Variants in EMP2 observed in about 807,000 individuals in gnomAD.
EMP2 encodes epithelial membrane protein 2.
In EMP2, 19 loss-of-function variants were observed where a neutral mutation model predicts 13.7. The ratio of observed to expected loss-of-function variants is 1.38; its 90% confidence interval spans 0.97 to 2.03. The LOEUF (loss-of-function observed/expected upper bound fraction) is 2.03, where lower values mean the gene tolerates loss of function less well. Ranked by LOEUF, EMP2 falls within the 30% of genes most tolerant of loss-of-function variation. The pLI, the probability that EMP2 is intolerant of heterozygous loss-of-function variation, is 0.00. For synonymous variants in EMP2, 97 were observed against 84.7 expected (o/e 1.15, Z -0.80); for missense variants, 253 against 220.7 (o/e 1.15, Z -0.93).
chr16:10,537,880 G>C, intron 4 of EMP2, 48 bp downstream of exon 4: 1 of 1,603,074 alleles, frequency 6.2e-7, no homozygotes, highest in Admixed American at 1.7e-5. Flanking sequence ...GGAAGGGAGT[G>C]CTTATTCCAG....
At chr16:10,560,891 A>G (rs1382085877) in intron 1 of EMP2, among the ~76,000 whole-genome samples, 1 of 152,212 alleles carries the variant, frequency 6.6e-6, no homozygotes, top group Non-Finnish European at 1.5e-5. Context: ...CAAGAAGCTT[A>G]AGGGCCTTGG....
chr16:10,549,217 T>C (rs1037011896), intron 1 of EMP2, among the ~76,000 whole-genome samples: 1 of 152,128 alleles, frequency 6.6e-6, no homozygotes, highest in Non-Finnish European at 1.5e-5. Context: ...TTGAGTGACA[T>C]ACAAGAGGAA....
rs1340078461 is a variant in EMP2 at position 10,538,152 on chromosome 16, C to T, written c.170-78G>A. ...GTGGGGTACACAGCGACCGCAGCAG[C>T]TCCAGAGTAGGTGTGACAGGAGGCA... On this transcript the variant is annotated intron_variant, in intron 3 of 4. Coordinates refer to ENST00000359543, the MANE Select transcript of EMP2 (RefSeq NM_001424.6). 3.9e-6 allele frequency: 6 copies of T among 1,555,820 alleles called. No homozygotes were observed. In the African/African-American group the frequency reaches 6.8e-5, roughly 18 times the overall value.
intron 1 of EMP2, among the ~76,000 whole-genome samples, chr16:10,557,443 C>T (rs2050839244): frequency 6.6e-6 from 1 of 151,728 alleles, no homozygotes; most frequent in African/African-American, 2.4e-5. Flanking sequence ...ATCCTGTTAG[C>T]TCACTGGCCA....
intron 1 of EMP2, among the ~76,000 whole-genome samples, chr16:10,555,254 C>T (rs558671214): frequency 6.6e-6 from 1 of 152,324 alleles, no homozygotes; most frequent in African/African-American, 2.4e-5. Context: ...CAGTGATGTT[C>T]CCCAAAAGCC....
rs761837614 is a variant in EMP2, at chr16:10,575,237, C to CTTTTTTTTTTT, written c.-61+5301_-61+5311dup. Among the ~76,000 whole-genome samples, 106 of 52,488 alleles carry CTTTTTTTTTTT rather than the reference C, an allele frequency of 2.0e-3. 21 individuals are homozygous for CTTTTTTTTTTT. The highest frequency in any genetic ancestry group is 3.6e-3 in the Admixed American group (10 of 2,754). The allele number at this position is 52,488 out of a possible 152,430, so 34.4% of individuals were successfully genotyped here. ...TGGCCTTGGTCCTGGAGCTTGCATT[C>CTTTTTTTTTTT]TTTTTTTTTTTTTTTTTTTTTTTTT... On this transcript the variant is annotated intron_variant, in intron 1 of 4. Coordinates refer to ENST00000359543, the MANE Select transcript of EMP2 (RefSeq NM_001424.6).
chr16:10,564,273 C>T (rs1048942418), intron 1 of EMP2, among the ~76,000 whole-genome samples: 1 of 152,058 alleles, frequency 6.6e-6, no homozygotes, highest in Non-Finnish European at 1.5e-5. Context: ...GGTGGATCAC[C>T]TGAGGTCAGA....
chr16:10,571,074 C>T (rs182429046), intron 1 of EMP2, among the ~76,000 whole-genome samples: 14 of 151,302 alleles, frequency 9.3e-5, no homozygotes, highest in South Asian at 4.2e-4. Flanking sequence ...CTGGCCAACA[C>T]GGTGAAACCC....
At chr16:10,552,765 C>T (rs373284192) in intron 1 of EMP2, among the ~76,000 whole-genome samples, 47 of 152,228 alleles carry the variant, frequency 3.1e-4, no homozygotes, top group African/African-American at 1.1e-3. Context: ...ACAGGTGGTC[C>T]TCAGTGTCAG....
intron 1 of EMP2, among the ~76,000 whole-genome samples, chr16:10,575,104 C>T (rs146616635): frequency 9.7e-4 from 148 of 152,162 alleles, no homozygotes; most frequent in African/African-American, 3.3e-3. Context: ...CTGAAACCAT[C>T]ACTGCTTGGG....
intron 1 of EMP2, among the ~76,000 whole-genome samples, chr16:10,579,708 G>GCACGCACA (rs1555461492): frequency 4.8e-5 from 7 of 146,784 alleles, no homozygotes; most frequent in South Asian, 4.3e-4. Flanking sequence ...AGATCAAGGT[G>GCACGCACA]CACACACACA....
At chr16:10,570,137 G>T (rs2050937062) in intron 1 of EMP2, among the ~76,000 whole-genome samples, 1 of 152,102 alleles carries the variant, frequency 6.6e-6, no homozygotes, top group South Asian at 2.1e-4. Context: ...GCTCTTGCTG[G>T]GCTTAAACAA....
Position 10,532,763 on chromosome 16 carries a change from T to C in EMP2, c.*142A>G, listed in dbSNP as rs1332682439. ...GGATTTTTTTTTTCTTTTTTCTTTT[T>C]TTTTTTTTTTTTTTTTTTTTTTTGG... On this transcript the variant is annotated 3_prime_UTR_variant, in exon 5 of 5. Transcript: ENST00000359543. 4.7e-5 allele frequency: 10 copies of C among 213,674 alleles called. No individual in the cohort carries two copies. The highest frequency in any genetic ancestry group is 7.6e-5 in the Admixed American group (1 of 13,116). The allele number at this position is 213,674 out of a possible 1,614,324, so 13.2% of individuals were successfully genotyped here. A position where few individuals can be genotyped will look rare whatever the true frequency, so the allele number is the denominator to read the frequency against.
In EMP2 at chr16:10,532,752, T is replaced by TTTTTTC. The variant is rs1555458377; in HGVS notation, c.*147_*152dup. The TTTTTTC allele has an allele frequency of 0.11, 25,163 of 220,662 alleles. 6,711 individuals carry two copies. The highest frequency in any genetic ancestry group is 0.17 in the Admixed American group (1,413 of 8,218). 13.7% of individuals were successfully genotyped at this position (220,662 alleles called of 1,614,324 possible). A position where few individuals can be genotyped will look rare whatever the true frequency, so the allele number is the denominator to read the frequency against. On this transcript the variant is annotated 3_prime_UTR_variant, in exon 5 of 5. Transcript: ENST00000359543. ...TTCTCTCTTTTGGATTTTTTTTTTC[T>TTTTTTC]TTTTTCTTTTTTTTTTTTTTTTTTT...
intron 1 of EMP2, among the ~76,000 whole-genome samples, chr16:10,568,568 G>C (rs1331584398): frequency 1.3e-5 from 2 of 152,054 alleles, no homozygotes; most frequent in African/African-American, 4.8e-5. Flanking sequence ...AAAAGTCGTT[G>C]GTACATCTTT....
chr16:10,549,729 T>TCACA (rs71402494), intron 1 of EMP2, among the ~76,000 whole-genome samples: 105,510 of 149,506 alleles, frequency 0.71, 38,922 homozygotes, highest in East Asian at 0.89. Flanking sequence ...ACACACACAC[T>TCACA]CACACACACA....
chr16:10,562,378 C>CTCTCTCTATCTA (rs1312547668), intron 1 of EMP2, among the ~76,000 whole-genome samples: 4 of 135,392 alleles, frequency 3.0e-5, no homozygotes, highest in Admixed American at 7.3e-5. Flanking sequence ...CTCTCTCTCT[C>CTCTCTCTATCTA]TCTATCTATC....
intron 1 of EMP2, among the ~76,000 whole-genome samples, chr16:10,570,418 A>T (rs891351915): frequency 5.3e-5 from 8 of 151,902 alleles, no homozygotes; most frequent in African/African-American, 1.5e-4. Context: ...ATTTTTTGAG[A>T]CAGAGTCTTG....
intron 4 of EMP2, among the ~76,000 whole-genome samples, chr16:10,537,056 A>T (rs2050652528): frequency 6.6e-6 from 1 of 152,130 alleles, no homozygotes; most frequent in Non-Finnish European, 1.5e-5. Flanking sequence ...AGGAGGTGGT[A>T]GTTAGAGTGG....
Sources: allele counts gnomAD v4.1 joint callset (sites outside exome capture counted in the v4.1 genomes callset), GRCh38; gene constraint gnomAD v4.1.1; transcripts MANE v1.5; gene names NCBI Gene and HGNC (gene_info 2026-07-23, HGNC 2026-07-21).